DOCK9: variants seen among roughly 807,000 people sequenced by gnomAD.
DOCK9 encodes dedicator of cytokinesis 9, also known as dedicator of cytokinesis protein 9.
DOCK9 carries 89 observed loss-of-function variants against 263.3 expected under a neutral mutation model. The observed-to-expected ratio is 0.34, with a 90% confidence interval of 0.28 to 0.40. DOCK9 has a LOEUF of 0.40. DOCK9 is among the 10% of genes least tolerant of loss of function. DOCK9 has a pLI of 1.00. For missense variants in DOCK9, 2,140 were observed against 2,603.4 expected (o/e 0.82, Z 3.87); for synonymous variants, 976 against 973.1 (o/e 1.00, Z -0.06).
At chr13:98,977,332 A>C (rs1439103490) in intron 1 of DOCK9, among the ~76,000 whole-genome samples, 1 of 152,232 alleles carries the variant, frequency 6.6e-6, no homozygotes, top group Non-Finnish European at 1.5e-5. Context: ...TCCTTTCTAA[A>C]CTATGTAATA....
chr13:98,807,346 G>A (rs2090845662), intron 48 of DOCK9, among the ~76,000 whole-genome samples: 1 of 152,176 alleles, frequency 6.6e-6, no homozygotes, highest in Admixed American at 6.5e-5. Context: ...TGCAGGAAGA[G>A]GTGCAGTGAG....
At chr13:98,801,503 G>A (rs1038343720) in intron 49 of DOCK9, among the ~76,000 whole-genome samples, 4 of 151,716 alleles carry the variant, frequency 2.6e-5, no homozygotes, top group African/African-American at 9.7e-5. Context: ...GATTAATATT[G>A]TTTTCCTTTA....
At chr13:98,909,044 C>G (rs2049577383) in intron 9 of DOCK9, among the ~76,000 whole-genome samples, 1 of 152,190 alleles carries the variant, frequency 6.6e-6, no homozygotes, top group African/African-American at 2.4e-5. Context: ...GAAGAGCCAA[C>G]TGGCTTTTCC....
chr13:98,992,452 G>A (rs1327232924), intron 1 of DOCK9, among the ~76,000 whole-genome samples: 1 of 152,158 alleles, frequency 6.6e-6, no homozygotes, highest in Non-Finnish European at 1.5e-5. Flanking sequence ...GGTCTAGAAT[G>A]CAGCTGATAT....
At chr13:99,028,971 T>C (rs2142051392) in intron 1 of DOCK9, among the ~76,000 whole-genome samples, 1 of 152,344 alleles carries the variant, frequency 6.6e-6, no homozygotes, top group African/African-American at 2.4e-5. Context: ...AACTTAGCTT[T>C]GTAACTCTGA....
intron 40 of DOCK9, 54 bp from the exon 41 acceptor site, chr13:98,831,584 T>C (rs550265667): frequency 1.3e-6 from 2 of 1,596,246 alleles, no homozygotes; most frequent in African/African-American, 1.3e-5. Context: ...CAGTGCTCGG[T>C]AATGTACCCT....
intron 1 of DOCK9, among the ~76,000 whole-genome samples, chr13:98,977,372 C>T (rs1482170951): frequency 1.3e-5 from 2 of 152,172 alleles, no homozygotes; most frequent in Admixed American, 6.5e-5. Flanking sequence ...TTAAAACCCC[C>T]AATGGGACCT....
intron 1 of DOCK9, among the ~76,000 whole-genome samples, chr13:98,999,288 GCGCACA>G (rs1211958347): frequency 7.3e-6 from 1 of 137,594 alleles, no homozygotes; most frequent in African/African-American, 2.9e-5. Flanking sequence ...ACGCATGCAC[GCGCACA>G]CACACACACA....
At chr13:98,949,175 T>C (rs2057092493) in intron 2 of DOCK9, among the ~76,000 whole-genome samples, 1 of 152,172 alleles carries the variant, frequency 6.6e-6, no homozygotes, top group Admixed American at 6.5e-5. Context: ...TGGGCTCAAG[T>C]GATCCTCCCA....
chr13:98,980,002 T>A (rs1337549088), upstream of DOCK9, among the ~76,000 whole-genome samples: 1 of 152,228 alleles, frequency 6.6e-6, no homozygotes, highest in Non-Finnish European at 1.5e-5. Flanking sequence ...TGTCTGGGCA[T>A]TAATAAGAGA....
Position 98,831,353 on chromosome 13 carries a change from A to G in DOCK9, c.4630T>C (p.Leu1544=), listed in dbSNP as rs1318038001. 9 of 1,602,650 alleles carry G rather than the reference A, an allele frequency of 5.6e-6. No individual in the cohort carries two copies. Among genetic ancestry groups the G allele is most frequent in the Non-Finnish European group, 7.7e-6 (9 of 1,174,024 alleles). ...TGKKSFVRTH[L]QVIISVSQLI... ...GAAAGCTAAACCACACGCACTTGCAAATGTGTCCGGACAAAGGACTTCTTT... is the reference window on the plus strand; with the variant it reads ...GAAAGCTAAACCACACGCACTTGCAGATGTGTCCGGACAAAGGACTTCTTT... The change falls in exon 41 of 53, where the codon TTG becomes CTG. Residue 1544 remains leucine, a synonymous_variant. Transcript: ENST00000682017.
At chr13:98,867,616 T>C (rs2142074945) in intron 29 of DOCK9, 80 bp from the exon 30 acceptor site, 1 of 927,558 alleles carries the variant, frequency 1.1e-6, no homozygotes, top group Non-Finnish European at 1.7e-6. Context: ...AGCAATAGTA[T>C]GCTAGAAATA....
rs745630684 is a variant in DOCK9, at chr13:98,809,358, G to A, written c.5361C>T (p.Phe1787=). Residue 1787 remains phenylalanine (F), a synonymous_variant, in exon 47 of 53, where the codon TTC becomes TTT. Transcript: ENST00000682017. ...GAATGGACAGGAGGCTCACCTGCCC[G>A]AAGAAGGCTACCCGGAAGTAGGTCC... The part of the protein sequence containing the change: ...LLGTYFRVAF[F]GQGFFEDEDG... The A allele has an allele frequency of 1.4e-5, 23 of 1,613,238 alleles. No individual in the cohort carries two copies. The highest frequency in any genetic ancestry group is 4.5e-5 in the East Asian group (2 of 44,878).
intron 47 of DOCK9, chr13:98,808,524 A>T: frequency 1.3e-6 from 1 of 741,856 alleles, no homozygotes; most frequent in Non-Finnish European, 2.3e-6. Context: ...ATGGTGCACA[A>T]AACAGTAAAA....
chr13:98,902,243 C>A (rs1402378986), intron 12 of DOCK9, 45 bp downstream of exon 12: 3 of 1,598,372 alleles, frequency 1.9e-6, no homozygotes, highest in Non-Finnish European at 2.6e-6. Context: ...AGGTAGCATG[C>A]AAAGTGAGTC....
At chr13:98,814,308 C>T (rs1389562214) in intron 45 of DOCK9, among the ~76,000 whole-genome samples, 2 of 152,016 alleles carry the variant, frequency 1.3e-5, no homozygotes, top group Admixed American at 6.6e-5. Flanking sequence ...AAGCCAGATA[C>T]ATGTAGTAAC....
At chr13:98,933,134 T>A (rs1420954831) in intron 2 of DOCK9, among the ~76,000 whole-genome samples, 1 of 152,226 alleles carries the variant, frequency 6.6e-6, no homozygotes, top group Non-Finnish European at 1.5e-5. Context: ...TATCATACTT[T>A]TAAAACATTC....
At chr13:98,809,865 C>A (rs1329043687) in intron 46 of DOCK9, among the ~76,000 whole-genome samples, 1 of 152,174 alleles carries the variant, frequency 6.6e-6, no homozygotes, top group African/African-American at 2.4e-5. Context: ...GAAGAGTTCT[C>A]AGAAAAGGGA....
At chr13:98,916,411 A>C (rs1197809824) in intron 7 of DOCK9, among the ~76,000 whole-genome samples, 1 of 152,170 alleles carries the variant, frequency 6.6e-6, no homozygotes, top group Non-Finnish European at 1.5e-5. Context: ...GCGATATGAA[A>C]TCAAACACTC....
Sources: allele counts gnomAD v4.1 joint callset (sites outside exome capture counted in the v4.1 genomes callset), GRCh38; gene constraint gnomAD v4.1.1; transcripts MANE v1.5; gene names NCBI Gene and HGNC (gene_info 2026-07-23, HGNC 2026-07-21).